The following GALNT11 variants were observed in gnomAD, a reference collection of about 807,000 sequenced individuals.
The protein encoded by GALNT11 is UDP-GalNAc:polypeptide N-acetylgalactosaminyltransferase 11.
A neutral mutation model predicts 72.7 loss-of-function variants in GALNT11; 47 were observed. The observed-to-expected ratio is 0.65, with a 90% CI of 0.51 to 0.82. The LOEUF (loss-of-function observed/expected upper bound fraction) is 0.82. Among genes scored for constraint, GALNT11 ranks in the 40% least tolerant of loss-of-function variants. The pLI, the probability that GALNT11 is intolerant of heterozygous loss-of-function variation, is 0.00. For synonymous variants in GALNT11, 270 were observed against 286.6 expected (o/e 0.94, Z 0.58); for missense variants, 677 against 778.4 (o/e 0.87, Z 1.55).
chr7:152,103,702 C>A (rs898903720), intron 4 of GALNT11: 1 of 158,890 alleles, frequency 6.3e-6, no homozygotes, highest in African/African-American at 2.4e-5. Flanking sequence ...TGCAATGATA[C>A]AGAACTGTTT....
intron 1 of GALNT11, among the ~76,000 whole-genome samples, chr7:152,071,053 G>A (rs2084611339): frequency 6.6e-6 from 1 of 152,212 alleles, no homozygotes; most frequent in African/African-American, 2.4e-5. Flanking sequence ...GGCAAGTGGA[G>A]GCAGGGAGAG....
Position 152,120,930 on chromosome 7 carries a change from T to G in GALNT11, c.1657T>G (p.Cys553Gly). Residue 553 changes from cysteine to glycine, a missense_variant, in exon 11 of 12, where the codon TGC (cysteine) becomes GGC (glycine). Cys to Gly is a radical substitution (Grantham distance 159). Transcript: ENST00000430044. Reference protein sequence around the residue: ...RSSDPPRLMKCHGSGGSQQWT... With the variant: ...RSSDPPRLMKGHGSGGSQQWT... ...ATCAGACCCGCCACGGCTCATGAAA[T>G]GCCACGGGTCAGGAGGATCCCAGCA... 5.0e-6 allele frequency: 8 copies of G among 1,614,120 alleles called. No homozygotes were observed. The highest frequency in any genetic ancestry group is 6.8e-6 in the Non-Finnish European group (8 of 1,180,006).
intron 5 of GALNT11, among the ~76,000 whole-genome samples, chr7:152,106,212 T>A (rs1213589171): frequency 6.6e-6 from 1 of 152,238 alleles, no homozygotes; most frequent in African/African-American, 2.4e-5. Flanking sequence ...TGAAAATCAT[T>A]TGAGAATGAT....
intron 1 of GALNT11, among the ~76,000 whole-genome samples, chr7:152,037,630 G>A (rs2082644005): frequency 6.6e-6 from 1 of 152,016 alleles, no homozygotes; most frequent in Non-Finnish European, 1.5e-5. Flanking sequence ...TGTGAAGAAT[G>A]TCTTTGGTTC....
chr7:152,121,847 CAG>C lies in GALNT11; in HGVS notation c.*174_*175del, dbSNP rs1168406434. On this transcript the variant is annotated 3_prime_UTR_variant, in exon 12 of 12. Coordinates refer to ENST00000430044, the MANE Select transcript of GALNT11 (RefSeq NM_022087.4). ...GTTAGCAGAGGTGACACGTGTCTGA[CAG>C]AGACGGGAGCTCTGAGTGTCCACGG... 9.4e-6 allele frequency: 7 copies of C among 743,114 alleles called. No homozygotes were observed. The highest frequency in any genetic ancestry group is 1.5e-5 in the Non-Finnish European group (7 of 481,526). 46.0% of individuals were successfully genotyped at this position (743,114 alleles called of 1,614,324 possible). A position where few individuals can be genotyped will look rare whatever the true frequency, so the allele number is the denominator to read the frequency against.
chr7:152,035,379 G>A (rs1175074327), intron 1 of GALNT11, among the ~76,000 whole-genome samples: 6 of 152,326 alleles, frequency 3.9e-5, no homozygotes, highest in African/African-American at 1.2e-4. Flanking sequence ...AGAGAAGAGA[G>A]GCAAGAGAAA....
chr7:152,065,566 G>A (rs1443961444), intron 1 of GALNT11, among the ~76,000 whole-genome samples: 1 of 152,120 alleles, frequency 6.6e-6, no homozygotes, highest in Non-Finnish European at 1.5e-5. Flanking sequence ...TCCTATCTTT[G>A]TGGTTTTATC....
rs1041894334 is a variant in GALNT11, at chr7:152,094,652, A to G, written c.295+130A>G. 6.6e-6 allele frequency: 7 copies of G among 1,057,020 alleles called. No homozygotes were observed. Among genetic ancestry groups the G allele is most frequent in the Non-Finnish European group, 7.9e-6 (6 of 755,686 alleles). 65.5% of individuals were successfully genotyped at this position (1,057,020 alleles called of 1,614,324 possible). A position where few individuals can be genotyped will look rare whatever the true frequency, so the allele number is the denominator to read the frequency against. On this transcript the variant is annotated intron_variant, in intron 2 of 11. Coordinates refer to ENST00000430044, the MANE Select transcript of GALNT11 (RefSeq NM_022087.4). The surrounding 1 kb of genome is among the most constrained non-coding windows in gnomAD (Gnocchi z 4.3). ...CACTGATTTATTTTGTTTGTGAACT[A>G]CCTGAAGTTCTGTGGTTTCTGCAGA...
intron 1 of GALNT11, among the ~76,000 whole-genome samples, chr7:152,089,432 G>A (rs1411309887): frequency 6.6e-6 from 1 of 152,202 alleles, no homozygotes; most frequent in Non-Finnish European, 1.5e-5. Context: ...AATGGCGAGA[G>A]CACATTCGAA....
At chr7:152,083,842 C>T (rs759788305) in intron 1 of GALNT11, among the ~76,000 whole-genome samples, 1 of 152,088 alleles carries the variant, frequency 6.6e-6, no homozygotes, top group Non-Finnish European at 1.5e-5. Flanking sequence ...TACATCTTTC[C>T]ATTAGTTCAG....
chr7:152,108,377 A>G, intron 6 of GALNT11, 90 bp downstream of exon 6: 1 of 1,505,616 alleles, frequency 6.6e-7, no homozygotes, highest in South Asian at 1.3e-5. Context: ...CCTTCTTTGT[A>G]AGGAGCAAAA....
intron 1 of GALNT11, among the ~76,000 whole-genome samples, chr7:152,062,634 C>T (rs1331351849): frequency 6.6e-6 from 1 of 152,116 alleles, no homozygotes; most frequent in African/African-American, 2.4e-5. Flanking sequence ...TTTTGAGATA[C>T]ATCCCATCAA....
At chr7:152,058,120 A>G (rs1365355726) in intron 1 of GALNT11, among the ~76,000 whole-genome samples, 16 of 152,260 alleles carry the variant, frequency 1.1e-4, no homozygotes, top group Admixed American at 9.2e-4. Flanking sequence ...TGTTTACACT[A>G]TACCGTAGTC....
chr7:152,058,545 A>C (rs1490924234), intron 1 of GALNT11, among the ~76,000 whole-genome samples: 1 of 152,268 alleles, frequency 6.6e-6, no homozygotes, highest in East Asian at 1.9e-4. Context: ...CATGTTGGCC[A>C]GGCTGGTCTC....
At chr7:152,091,075 TCTCA>T (rs1445351384) in intron 1 of GALNT11, among the ~76,000 whole-genome samples, 3 of 151,400 alleles carry the variant, frequency 2.0e-5, no homozygotes, top group African/African-American at 7.3e-5. Context: ...TCATGTGGAG[TCTCA>T]CTCTGTCGCC....
intron 1 of GALNT11, among the ~76,000 whole-genome samples, chr7:152,033,937 A>G (rs2082430622): frequency 6.6e-6 from 1 of 152,246 alleles, no homozygotes; most frequent in Non-Finnish European, 1.5e-5. Context: ...TAACAGTAGC[A>G]TGACATCTCT....
intron 1 of GALNT11, among the ~76,000 whole-genome samples, chr7:152,042,557 C>T (rs954724316): frequency 2.6e-5 from 4 of 152,120 alleles, no homozygotes; most frequent in Admixed American, 6.5e-5. Context: ...TAACAATGGC[C>T]GCCATCAAAA....
chr7:152,047,687 C>CGTGTGTGT lies in GALNT11; in HGVS notation c.-39+21819_-39+21826dup, dbSNP rs141152865. 7.6e-3 allele frequency among the ~76,000 whole-genome samples: 1,123 copies of CGTGTGTGT among 147,116 alleles called. 19 individuals carry two copies. The highest frequency in any genetic ancestry group is 0.027 in the African/African-American group (1,085 of 40,222). The stretch of plus-strand genomic sequence containing the variant: ...ACTCTAGCCTGGTCAACAGTGACAC[C>CGTGTGTGT]GTGTGTGTGTGTGTGTGTGTGTGCG... On this transcript the variant is annotated intron_variant, in intron 1 of 11. Transcript: ENST00000430044.
intron 2 of GALNT11, among the ~76,000 whole-genome samples, chr7:152,099,314 A>T (rs1166332052): frequency 6.6e-6 from 1 of 151,890 alleles, no homozygotes; most frequent in Non-Finnish European, 1.5e-5. Context: ...TTAAAGGAAC[A>T]GAGTTCTACT....
Sources: allele counts gnomAD v4.1 joint callset (sites outside exome capture counted in the v4.1 genomes callset), GRCh38; gene constraint gnomAD v4.1.1; non-coding constraint Gnocchi (gnomAD v3.1); transcripts MANE v1.5; gene names NCBI Gene and HGNC (gene_info 2026-07-23, HGNC 2026-07-21).